PPM1L: variants seen among roughly 807,000 people sequenced by gnomAD.
PPM1L encodes the protein protein phosphatase, Mg2+/Mn2+ dependent 1L.
A neutral mutation model predicts 31.4 loss-of-function variants in PPM1L; 13 were observed. That is an observed-to-expected ratio of 0.41 (90% CI 0.27 to 0.66). The LOEUF (loss-of-function observed/expected upper bound fraction) is 0.66. Among genes scored for constraint, PPM1L ranks in the 30% least tolerant of loss-of-function variants. The pLI is 0.29. For synonymous variants in PPM1L, 184 were observed against 175.4 expected, an observed-to-expected ratio of 1.05 and a Z score of -0.39; for missense variants, 326 against 453.7, an observed-to-expected ratio of 0.72 and a Z score of 2.56.
rs562696978 is a variant in PPM1L at position 160,927,648 on chromosome 3, G to A, written c.400-34088G>A. 2.0e-4 allele frequency among the ~76,000 whole-genome samples: 31 copies of A among 152,168 alleles called. 1 individual carries two copies. Among genetic ancestry groups the A allele is most frequent in the African/African-American group, 6.0e-4 (25 of 41,500 alleles). On this transcript the variant is annotated intron_variant, in intron 1 of 3. Transcript: ENST00000498165. The stretch of plus-strand genomic sequence containing the variant: ...TGTGTGCGTGCGTGTGCGTGCGCGC[G>A]CATGCACGTAAATGCGTGTTAGTGG...
intron 1 of PPM1L, among the ~76,000 whole-genome samples, chr3:160,903,192 TGG>T (rs1491180281): frequency 8.4e-6 from 1 of 119,552 alleles, no homozygotes; most frequent in Non-Finnish European, 1.8e-5. Flanking sequence ...TGTGTGTGTG[TGG>T]TATGTGTGTA....
At chr3:160,973,146 A>G (rs1433246576) in intron 2 of PPM1L, among the ~76,000 whole-genome samples, 1 of 152,224 alleles carries the variant, frequency 6.6e-6, no homozygotes, top group Non-Finnish European at 1.5e-5. Flanking sequence ...TTGCTGAGAA[A>G]ACCAGAAACC....
At chr3:160,813,864 A>G (rs1712887512) in intron 1 of PPM1L, among the ~76,000 whole-genome samples, 1 of 152,190 alleles carries the variant, frequency 6.6e-6, no homozygotes, top group Non-Finnish European at 1.5e-5. Context: ...TCAATGGAAC[A>G]TTCTGCATAC....
intron 1 of PPM1L, among the ~76,000 whole-genome samples, chr3:160,793,948 G>A (rs758027106): frequency 2.0e-5 from 3 of 147,586 alleles, no homozygotes; most frequent in Non-Finnish European, 4.4e-5. Flanking sequence ...CTGATTGGTT[G>A]GTTTCCAAGC....
chr3:160,766,710 A>AGCTACAAG (rs1260718506), intron 1 of PPM1L, among the ~76,000 whole-genome samples: 1 of 151,082 alleles, frequency 6.6e-6, no homozygotes, highest in Non-Finnish European at 1.5e-5. Context: ...AAAAAAAAGA[A>AGCTACAAG]GCTACAAGTC....
At chr3:160,923,567 T>C (rs1714487233) in intron 1 of PPM1L, among the ~76,000 whole-genome samples, 1 of 152,242 alleles carries the variant, frequency 6.6e-6, no homozygotes, top group South Asian at 2.1e-4. Flanking sequence ...AGCTTTATTC[T>C]TCTCTCACTA....
Position 160,964,174 on chromosome 3 carries a change from C to T in PPM1L, c.574+2264C>T, listed in dbSNP as rs1205801928. 2.6e-5 allele frequency among the ~76,000 whole-genome samples: 4 copies of T among 151,950 alleles called. 1 individual carries two copies. The highest frequency in any genetic ancestry group is 4.4e-5 in the Non-Finnish European group (3 of 67,966). ...CAGTGTAAAGTACAGCTGACCCTTG[C>T]ACAACATGGGGGTTAGGGATGCCAA... On this transcript the variant is annotated intron_variant, in intron 2 of 3. Transcript: ENST00000498165.
At chr3:160,808,396 T>TGTGTGTGTGTGCGTGCGTGTGTGGTGG (rs1712695858) in intron 1 of PPM1L, among the ~76,000 whole-genome samples, 1 of 148,010 alleles carries the variant, frequency 6.8e-6, no homozygotes, top group African/African-American at 2.5e-5. Flanking sequence ...TGTGTGTGTG[T>TGTGTGTGTGTGCGTGCGTGTGTGGTGG]GTGTGTGTGT....
intron 1 of PPM1L, among the ~76,000 whole-genome samples, chr3:160,951,247 C>A (rs1715568194): frequency 6.6e-6 from 1 of 152,128 alleles, no homozygotes; most frequent in Admixed American, 6.5e-5. Flanking sequence ...TGCTTTAAAA[C>A]AAAAACATCA....
Position 161,074,182 on chromosome 3 carries a change from A to G in PPM1L, c.*5025A>G. 1 of 152,220 alleles carries G rather than the reference A, an allele frequency of 6.6e-6. No homozygotes were observed. The highest frequency in any genetic ancestry group is 1.5e-5 in the Non-Finnish European group (1 of 68,040). The allele number at this position is 152,220 out of a possible 1,614,324, so 9.4% of individuals were successfully genotyped here. A position where few individuals can be genotyped will look rare whatever the true frequency, so the allele number is the denominator to read the frequency against. ...TTCCTTTATTGTCCTCTCTGGATTC[A>G]GTGAAATAATTTGAAATCAATTAGA... On this transcript the variant is annotated 3_prime_UTR_variant, in exon 4 of 4. Coordinates refer to ENST00000498165, the MANE Select transcript of PPM1L (RefSeq NM_139245.4).
intron 2 of PPM1L, among the ~76,000 whole-genome samples, chr3:161,006,668 C>T (rs562818873): frequency 3.3e-5 from 5 of 151,198 alleles, no homozygotes; most frequent in Non-Finnish European, 5.9e-5. Context: ...TTCAGAAAAC[C>T]CACCGTCTTT....
At chr3:160,926,581 A>G (rs1714600153) in intron 1 of PPM1L, among the ~76,000 whole-genome samples, 1 of 152,180 alleles carries the variant, frequency 6.6e-6, no homozygotes, top group African/African-American at 2.4e-5. Context: ...GTTCCAGGGT[A>G]ACAAAAGTGT....
Position 161,076,808 on chromosome 3 carries a change from T to G in PPM1L, c.*7651T>G, listed in dbSNP as rs1720113638. ...CAGTTCATTCCAAAAGACCCCAATG[T>G]AAACTCTGCTCACATACATAATTTG... On this transcript the variant is annotated 3_prime_UTR_variant, in exon 4 of 4. Coordinates refer to ENST00000498165, the MANE Select transcript of PPM1L (RefSeq NM_139245.4). 6.6e-6 allele frequency: 1 copy of G among 152,228 alleles called. No individual in the cohort carries two copies. Among genetic ancestry groups the G allele is most frequent in the Admixed American group, 6.5e-5 (1 of 15,282 alleles). The allele number at this position is 152,228 out of a possible 1,614,324, so 9.4% of individuals were successfully genotyped here.
intron 1 of PPM1L, among the ~76,000 whole-genome samples, chr3:160,857,857 A>G (rs987272835): frequency 6.6e-6 from 1 of 152,030 alleles, no homozygotes; most frequent in Non-Finnish European, 1.5e-5. Context: ...TTGTCTCTCA[A>G]TCTCTTTTTC....
intron 2 of PPM1L, among the ~76,000 whole-genome samples, chr3:161,062,141 G>T (rs1379977529): frequency 6.6e-6 from 1 of 151,196 alleles, no homozygotes; most frequent in African/African-American, 2.4e-5. Context: ...TTTTAGTGGG[G>T]GGGGAAAAAA....
In PPM1L at chr3:161,073,749, G is replaced by C. The variant is rs1436359539; in HGVS notation, c.*4592G>C. Reference sequence around the variant, plus strand: ...GCTAATTTTTTGTATTTTTAGTAGAGACGGGGTTTCACCATGTTAGCCAGG... The same window carrying C: ...GCTAATTTTTTGTATTTTTAGTAGACACGGGGTTTCACCATGTTAGCCAGG... On this transcript the variant is annotated 3_prime_UTR_variant, in exon 4 of 4. Coordinates refer to ENST00000498165, the MANE Select transcript of PPM1L (RefSeq NM_139245.4). 1.3e-5 allele frequency: 2 copies of C among 152,330 alleles called. No homozygotes were observed. Among genetic ancestry groups the C allele is most frequent in the African/African-American group, 4.8e-5 (2 of 41,426 alleles). 9.4% of individuals were successfully genotyped at this position (152,330 alleles called of 1,614,324 possible).
intron 2 of PPM1L, among the ~76,000 whole-genome samples, chr3:160,969,808 ACTT>A (rs1219497428): frequency 6.6e-6 from 1 of 152,184 alleles, no homozygotes; most frequent in Admixed American, 6.5e-5. Context: ...TCTGACACCA[ACTT>A]CTTATTTTCT....
At chr3:160,912,427 A>C (rs1306554411) in intron 1 of PPM1L, among the ~76,000 whole-genome samples, 3 of 152,250 alleles carry the variant, frequency 2.0e-5, no homozygotes, top group Non-Finnish European at 4.4e-5. Flanking sequence ...TGGCATCTGC[A>C]GAGTAGAGCC....
intron 1 of PPM1L, among the ~76,000 whole-genome samples, chr3:160,830,580 T>C (rs947958466): frequency 2.0e-5 from 3 of 152,208 alleles, no homozygotes; most frequent in African/African-American, 7.2e-5. Context: ...ATAGTTATGC[T>C]TTGTTGCTCT....
Sources: allele counts gnomAD v4.1 joint callset (sites outside exome capture counted in the v4.1 genomes callset), GRCh38; gene constraint gnomAD v4.1.1; transcripts MANE v1.5; gene names NCBI Gene and HGNC (gene_info 2026-07-23, HGNC 2026-07-21).